The following SLIT2 variants were observed in gnomAD, a reference collection of about 807,000 sequenced individuals.
SLIT2 encodes slit guidance ligand 2.
SLIT2 carries 41 observed loss-of-function variants against 185.7 expected under a neutral mutation model. The observed-to-expected ratio is 0.22, with a 90% CI of 0.17 to 0.29. SLIT2 has a LOEUF of 0.29. SLIT2 is among the 10% of genes least tolerant of loss of function. SLIT2 has a pLI of 1.00. For missense variants in SLIT2, 1,571 were observed against 1,909.0 expected (o/e 0.82, Z 3.30); for synonymous variants, 693 against 680.2 (o/e 1.02, Z -0.29).
At chr4:20,346,535 C>G (rs1418976817) in intron 4 of SLIT2, among the ~76,000 whole-genome samples, 1 of 152,116 alleles carries the variant, frequency 6.6e-6, no homozygotes. Context: ...TTAGGGTTCT[C>G]TAGAGGGGCA....
At position 20,587,725 on chromosome 4, in the gene SLIT2, T is replaced by C. The variant is rs572889810; in HGVS notation, c.3089-1919T>C. On this transcript the variant is annotated intron_variant, in intron 29 of 36. Coordinates refer to ENST00000504154, the MANE Select transcript of SLIT2 (RefSeq NM_004787.4). ...GATTAAGAACTGATTAGGAGCAGAGTCCATTACATTCATCCTTGTAGCTCC... is the reference window on the plus strand; with the variant it reads ...GATTAAGAACTGATTAGGAGCAGAGCCCATTACATTCATCCTTGTAGCTCC... Among the ~76,000 whole-genome samples the C allele has an allele frequency of 1.1e-3, 163 of 152,246 alleles. 1 individual carries two copies. The highest frequency in any genetic ancestry group is 3.7e-3 in the African/African-American group (153 of 41,544).
chr4:20,494,447 T>C (rs977472658), intron 9 of SLIT2, among the ~76,000 whole-genome samples: 63 of 152,192 alleles, frequency 4.1e-4, no homozygotes, highest in African/African-American at 1.5e-3. Context: ...TGAACTCAAT[T>C]TGTGAAATAC....
chr4:20,412,194 C>A (rs1046927553), intron 4 of SLIT2, among the ~76,000 whole-genome samples: 2 of 150,048 alleles, frequency 1.3e-5, no homozygotes, highest in African/African-American at 4.9e-5. Flanking sequence ...TCATTTTCAG[C>A]TTGGTTAATT....
chr4:20,479,159 G>A (rs895663672), intron 5 of SLIT2, among the ~76,000 whole-genome samples: 1 of 152,134 alleles, frequency 6.6e-6, no homozygotes, highest in African/African-American at 2.4e-5. Flanking sequence ...CCATTTGCAT[G>A]ACATCAAGGT....
chr4:20,577,761 TTC>T (rs1726198876), intron 29 of SLIT2, among the ~76,000 whole-genome samples: 1 of 152,218 alleles, frequency 6.6e-6, no homozygotes, highest in Non-Finnish European at 1.5e-5. Flanking sequence ...GAGAGAATGT[TTC>T]TGTTTCTATA....
At chr4:20,535,211 A>G (rs1202587297) in intron 18 of SLIT2, among the ~76,000 whole-genome samples, 1 of 151,990 alleles carries the variant, frequency 6.6e-6, no homozygotes, top group Non-Finnish European at 1.5e-5. Flanking sequence ...AGGCAGAAGA[A>G]TCGCTTGATC....
chr4:20,396,394 T>C (rs1225842844), intron 4 of SLIT2, among the ~76,000 whole-genome samples: 1 of 151,842 alleles, frequency 6.6e-6, no homozygotes, highest in Non-Finnish European at 1.5e-5. Context: ...ACAAGACTGA[T>C]CACTTTGTTG....
intron 4 of SLIT2, among the ~76,000 whole-genome samples, chr4:20,356,565 C>T (rs1205780060): frequency 6.6e-6 from 1 of 152,078 alleles, no homozygotes; most frequent in Admixed American, 6.6e-5. Context: ...GCATTTAAAG[C>T]CATTTAAAAG....
chr4:20,272,314 TAG>T (rs1713713660), intron 4 of SLIT2, among the ~76,000 whole-genome samples: 1 of 151,726 alleles, frequency 6.6e-6, no homozygotes, highest in African/African-American at 2.4e-5. Flanking sequence ...TCTTAACTTA[TAG>T]ACTCTATCTT....
At chr4:20,378,370 T>A (rs1225471370) in intron 4 of SLIT2, among the ~76,000 whole-genome samples, 2 of 152,176 alleles carry the variant, frequency 1.3e-5, no homozygotes, top group African/African-American at 4.8e-5. Context: ...GTTTACATAT[T>A]TCTTCGGATA....
chr4:20,295,944 A>G (rs1406990765), intron 4 of SLIT2, among the ~76,000 whole-genome samples: 1 of 152,232 alleles, frequency 6.6e-6, no homozygotes, highest in Non-Finnish European at 1.5e-5. Flanking sequence ...TCTAAAGGAG[A>G]TATTTGCACT....
intron 4 of SLIT2, among the ~76,000 whole-genome samples, chr4:20,370,754 C>T (rs1051196257): frequency 6.6e-6 from 1 of 152,132 alleles, no homozygotes; most frequent in Admixed American, 6.6e-5. Flanking sequence ...ACACCAATTT[C>T]AGCATCCATT....
At chr4:20,576,545 C>T (rs191883633) in intron 29 of SLIT2, among the ~76,000 whole-genome samples, 41 of 152,190 alleles carry the variant, frequency 2.7e-4, no homozygotes, top group African/African-American at 8.9e-4. Flanking sequence ...AATTCTGCTT[C>T]GAGATGTGTA....
chr4:20,311,268 G>A (rs67948205), intron 4 of SLIT2, among the ~76,000 whole-genome samples: 13,876 of 152,196 alleles, frequency 0.091, 754 homozygotes, highest in African/African-American at 0.15. Flanking sequence ...TTAGAAAACA[G>A]TTTTAAACTT....
intron 24 of SLIT2, among the ~76,000 whole-genome samples, chr4:20,549,688 G>A (rs980660393): frequency 1.3e-5 from 2 of 151,554 alleles, no homozygotes; most frequent in African/African-American, 4.8e-5. Context: ...TTCTGCCATT[G>A]TCTATTTTTG....
Position 20,484,537 on chromosome 4 carries a change from A to G in SLIT2, c.540-1663A>G, listed in dbSNP as rs1435239194. Among the ~76,000 whole-genome samples, 1 of 152,132 alleles carries G rather than the reference A, an allele frequency of 6.6e-6. No individual in the cohort carries two copies. Among genetic ancestry groups the G allele is most frequent in the Non-Finnish European group, 1.5e-5 (1 of 68,012 alleles). Reference sequence around the variant, plus strand: ...ACAAGGTGGTAAAGAGGGTCCATGCATGATCTGGGTCTCTAGCTGACATGC... The same window carrying G: ...ACAAGGTGGTAAAGAGGGTCCATGCGTGATCTGGGTCTCTAGCTGACATGC... On this transcript the variant is annotated intron_variant, in intron 6 of 36. Coordinates refer to ENST00000504154, the MANE Select transcript of SLIT2 (RefSeq NM_004787.4). The surrounding 1 kb of genome is among the most constrained non-coding windows in gnomAD (Gnocchi z 4.3).
At chr4:20,560,906 A>C (rs887864640) in intron 26 of SLIT2, among the ~76,000 whole-genome samples, 3 of 151,950 alleles carry the variant, frequency 2.0e-5, no homozygotes, top group Non-Finnish European at 4.4e-5. Context: ...AATTCAGAGT[A>C]AAACCTCTGT....
intron 3 of SLIT2, among the ~76,000 whole-genome samples, chr4:20,259,339 C>A (rs1459642114): frequency 6.6e-6 from 1 of 151,580 alleles, no homozygotes; most frequent in Non-Finnish European, 1.5e-5. Context: ...AAGAAAGCAT[C>A]AATATAATTC....
intron 34 of SLIT2, chr4:20,615,590 A>C (rs1729589801): frequency 1.3e-5 from 2 of 152,222 alleles, no homozygotes; most frequent in African/African-American, 4.8e-5. Context: ...GAGAGAAGAA[A>C]TAACTGCTCC....
Sources: allele counts gnomAD v4.1 joint callset (sites outside exome capture counted in the v4.1 genomes callset), GRCh38; gene constraint gnomAD v4.1.1; non-coding constraint Gnocchi (gnomAD v3.1); transcripts MANE v1.5; gene names NCBI Gene and HGNC (gene_info 2026-07-23, HGNC 2026-07-21).